Variants in CLIP2 observed in about 807,000 individuals in gnomAD.
CLIP2 encodes the protein CAP-Gly domain containing linker protein 2.
In CLIP2, 41 loss-of-function variants were observed where a neutral mutation model predicts 111.7. The observed-to-expected ratio is 0.37, with a 90% confidence interval of 0.29 to 0.48. CLIP2 has a LOEUF of 0.48. Ranked by LOEUF, CLIP2 falls within the 20% of genes least tolerant of loss-of-function variation. The pLI, the probability that CLIP2 is intolerant of heterozygous loss-of-function variation, is 0.99. For missense variants in CLIP2, 1,160 were observed against 1,422.1 expected (o/e 0.82, Z 2.96); for synonymous variants, 660 against 644.2 (o/e 1.02, Z -0.37).
chr7:74,322,700 A>C (rs1271654695), intron 2 of CLIP2, among the ~76,000 whole-genome samples: 1 of 151,874 alleles, frequency 6.6e-6, no homozygotes, highest in Non-Finnish European at 1.5e-5. Context: ...GAGCCACTAC[A>C]CCTGTCCCAT....
At chr7:74,310,512 A>G (rs1158436794) in intron 1 of CLIP2, among the ~76,000 whole-genome samples, 1 of 152,082 alleles carries the variant, frequency 6.6e-6, no homozygotes, top group Non-Finnish European at 1.5e-5. Flanking sequence ...ACAGAGTGAG[A>G]CCCTGTCTCA....
At chr7:74,368,306 A>G (rs1554311206) in intron 8 of CLIP2, among the ~76,000 whole-genome samples, 2 of 152,202 alleles carry the variant, frequency 1.3e-5, no homozygotes, top group East Asian at 3.9e-4. Context: ...TCATGAGGTC[A>G]GGACTTTGAG....
At chr7:74,394,259 T>A (rs1469866700) in intron 13 of CLIP2, among the ~76,000 whole-genome samples, 1 of 147,722 alleles carries the variant, frequency 6.8e-6, no homozygotes, top group African/African-American at 2.5e-5. Context: ...TTTTTTTTTT[T>A]TTTTTTTTGA....
At chr7:74,333,996 C>A (rs1789374920) in intron 2 of CLIP2, among the ~76,000 whole-genome samples, 1 of 152,196 alleles carries the variant, frequency 6.6e-6, no homozygotes. Flanking sequence ...TATACATTGG[C>A]TCCCCTGGGA....
intron 2 of CLIP2, among the ~76,000 whole-genome samples, chr7:74,337,385 G>T (rs1368382725): frequency 1.3e-5 from 2 of 152,052 alleles, no homozygotes; most frequent in African/African-American, 4.8e-5. Flanking sequence ...AGCCTTTTGT[G>T]GGCCCTGTAA....
intron 2 of CLIP2, among the ~76,000 whole-genome samples, chr7:74,331,341 C>T (rs1554731261): frequency 1.3e-5 from 2 of 150,010 alleles, no homozygotes; most frequent in South Asian, 2.1e-4. Flanking sequence ...AGAGCAATGG[C>T]GATTTGCAAC....
intron 2 of CLIP2, among the ~76,000 whole-genome samples, chr7:74,336,378 T>G (rs1470166640): frequency 1.3e-5 from 2 of 152,024 alleles, no homozygotes; most frequent in Admixed American, 1.3e-4. Context: ...TGAGACTGGG[T>G]AATTTATAAA....
chr7:74,352,579 T>C (rs1790036057), intron 3 of CLIP2, among the ~76,000 whole-genome samples: 2 of 151,972 alleles, frequency 1.3e-5, no homozygotes, highest in African/African-American at 2.4e-5. Context: ...GTCATAGTAC[T>C]GCAATCCTGG....
At chr7:74,397,661 T>G (rs868950726) in intron 14 of CLIP2, among the ~76,000 whole-genome samples, 2 of 83,666 alleles carry the variant, frequency 2.4e-5, no homozygotes, top group African/African-American at 1.2e-4. Context: ...GGCTGAGTTT[T>G]TTTTGTTTTT....
intron 2 of CLIP2, among the ~76,000 whole-genome samples, chr7:74,334,875 C>T (rs1325043883): frequency 6.6e-6 from 1 of 150,818 alleles, no homozygotes; most frequent in Non-Finnish European, 1.5e-5. Context: ...ATAATCCTGG[C>T]TACACTGGAG....
intron 2 of CLIP2, among the ~76,000 whole-genome samples, chr7:74,327,855 G>A (rs1789160553): frequency 6.6e-6 from 1 of 152,190 alleles, no homozygotes; most frequent in African/African-American, 2.4e-5. Flanking sequence ...TGGGGAGCTG[G>A]CTCTGTTCTT....
chr7:74,398,890 C>T (rs147597650), intron 14 of CLIP2, among the ~76,000 whole-genome samples: 118 of 152,298 alleles, frequency 7.7e-4, no homozygotes, highest in Non-Finnish European at 1.3e-3. Context: ...TGTAGGAGTG[C>T]GCAGTGCTGA....
At chr7:74,367,005 C>T (rs1384563723) in intron 8 of CLIP2, among the ~76,000 whole-genome samples, 1 of 152,066 alleles carries the variant, frequency 6.6e-6, no homozygotes, top group African/African-American at 2.4e-5. Context: ...AGGCCAGTCC[C>T]TGCCTCCTGT....
chr7:74,331,596 C>G (rs781386253), intron 2 of CLIP2, among the ~76,000 whole-genome samples: 73 of 108,624 alleles, frequency 6.7e-4, no homozygotes, highest in Non-Finnish European at 1.1e-3. Flanking sequence ...GAGACAGAGT[C>G]TCACTCTGTC....
chr7:74,403,921 A>G lies in CLIP2; in HGVS notation c.*73A>G, dbSNP rs1383153184. On this transcript the variant is annotated 3_prime_UTR_variant, in exon 17 of 17. Transcript: ENST00000223398. ...GCGGCTGCCCGGCAGTACCTCCTCCAGGCAGGAGCCGGGACTGTCACTTTG... is the reference window on the plus strand; with the variant it reads ...GCGGCTGCCCGGCAGTACCTCCTCCGGGCAGGAGCCGGGACTGTCACTTTG... The G allele has an allele frequency of 4.6e-6, 7 of 1,514,558 alleles. No homozygotes were observed. The African/African-American group carries it at 5.5e-5, about 12-fold the overall frequency. The allele number at this position is 1,514,558 out of a possible 1,614,324, so 93.8% of individuals were successfully genotyped here.
intron 2 of CLIP2, among the ~76,000 whole-genome samples, chr7:74,336,875 G>GTTTTTTTTTTTTTTTTTTTTTTTTTTTT (rs1385833904): frequency 2.7e-5 from 1 of 36,630 alleles, no homozygotes; most frequent in Non-Finnish European, 7.1e-5. Flanking sequence ...TTTTTTTTTT[G>GTTTTTTTTTTTTTTTTTTTTTTTTTTTT]TTTTTTTTTG....
chr7:74,405,304 G>A lies in CLIP2; in HGVS notation c.*1456G>A, dbSNP rs1554318402. On this transcript the variant is annotated 3_prime_UTR_variant, in exon 17 of 17. Coordinates refer to ENST00000223398, the MANE Select transcript of CLIP2 (RefSeq NM_003388.5). ...GCCCCACCCTCCGGCAGCTCAGGGAGTGTTTTCCTGTGAGGCCTCCCCCAT... is the reference window on the plus strand; with the variant it reads ...GCCCCACCCTCCGGCAGCTCAGGGAATGTTTTCCTGTGAGGCCTCCCCCAT... The A allele has an allele frequency of 6.6e-6, 1 of 152,266 alleles. No homozygotes were observed. The highest frequency in any genetic ancestry group is 1.5e-5 in the Non-Finnish European group (1 of 68,102). The allele number at this position is 152,266 out of a possible 1,614,324, so 9.4% of individuals were successfully genotyped here. A position where few individuals can be genotyped will look rare whatever the true frequency, so the allele number is the denominator to read the frequency against.
At chr7:74,392,496 C>A (rs1333363215) in intron 13 of CLIP2, among the ~76,000 whole-genome samples, 1 of 152,000 alleles carries the variant, frequency 6.6e-6, no homozygotes, top group Admixed American at 6.6e-5. Context: ...CATACCACAG[C>A]CTGGGCGACA....
At position 74,314,077 on chromosome 7, in the gene CLIP2, G is replaced by C. The variant is rs192220278; in HGVS notation, c.-67-3403G>C. On this transcript the variant is annotated intron_variant, in intron 1 of 16. Coordinates refer to ENST00000223398, the MANE Select transcript of CLIP2 (RefSeq NM_003388.5). ...GGGCGCCTGTAGTCTGACTTACTCAGAGGCTGAGGCAGAAGAATTGCTTGA... is the reference window on the plus strand; with the variant it reads ...GGGCGCCTGTAGTCTGACTTACTCACAGGCTGAGGCAGAAGAATTGCTTGA... Among the ~76,000 whole-genome samples, 653 of 152,000 alleles carry C rather than the reference G, an allele frequency of 4.3e-3. 2 individuals are homozygous for C. The highest frequency in any genetic ancestry group is 6.7e-3 in the Non-Finnish European group (456 of 68,000).
Sources: allele counts gnomAD v4.1 joint callset (sites outside exome capture counted in the v4.1 genomes callset), GRCh38; gene constraint gnomAD v4.1.1; transcripts MANE v1.5; gene names NCBI Gene and HGNC (gene_info 2026-07-23, HGNC 2026-07-21).